Variants in NR3C2 observed in about 807,000 individuals in gnomAD.
NR3C2 encodes the protein mineralocorticoid receptor.
NR3C2 carries 15 observed loss-of-function variants against 86.4 expected under a neutral mutation model. The observed-to-expected ratio is 0.17, with a 90% confidence interval of 0.12 to 0.27. The LOEUF (loss-of-function observed/expected upper bound fraction) is 0.27. Among genes scored for constraint, NR3C2 ranks in the 10% least tolerant of loss-of-function variants. The pLI is 1.00. For synonymous variants in NR3C2, 458 were observed against 450.5 expected (o/e 1.02, Z -0.21); for missense variants, 960 against 1,195.6 (o/e 0.80, Z 2.91).
intron 4 of NR3C2, among the ~76,000 whole-genome samples, chr4:148,156,548 GA>G (rs1734396846): frequency 1.3e-5 from 2 of 152,098 alleles, no homozygotes; most frequent in South Asian, 4.1e-4. Context: ...AAAGACACAA[GA>G]AAAAATGCTC....
intron 8 of NR3C2, among the ~76,000 whole-genome samples, chr4:148,082,602 C>T (rs1730618950): frequency 6.6e-6 from 1 of 151,638 alleles, no homozygotes; most frequent in Non-Finnish European, 1.5e-5. Context: ...CCTATGCCAC[C>T]AGGGCCCTGG....
chr4:148,089,876 C>T (rs1730982874), intron 8 of NR3C2, among the ~76,000 whole-genome samples: 1 of 152,208 alleles, frequency 6.6e-6, no homozygotes, highest in South Asian at 2.1e-4. Flanking sequence ...ACCTCGATGC[C>T]CTGGAGTCCC....
chr4:148,379,733 A>G (rs1207154304), intron 2 of NR3C2, among the ~76,000 whole-genome samples: 1 of 152,212 alleles, frequency 6.6e-6, no homozygotes, highest in African/African-American at 2.4e-5. Flanking sequence ...AGATGCAGTA[A>G]AAGGTTCAAA....
chr4:148,160,970 G>A (rs1734630600), intron 4 of NR3C2, among the ~76,000 whole-genome samples: 1 of 152,130 alleles, frequency 6.6e-6, no homozygotes, highest in Admixed American at 6.6e-5. Context: ...TAAGTAATCT[G>A]GCCATGAAAC....
intron 7 of NR3C2, among the ~76,000 whole-genome samples, chr4:148,118,877 A>G (rs1218858239): frequency 2.6e-5 from 4 of 152,100 alleles, no homozygotes; most frequent in African/African-American, 4.8e-5. Context: ...GCTCCTGTCT[A>G]TCATACTACC....
At chr4:148,110,912 C>G (rs1732019679) in intron 8 of NR3C2, among the ~76,000 whole-genome samples, 1 of 152,138 alleles carries the variant, frequency 6.6e-6, no homozygotes, top group African/African-American at 2.4e-5. Flanking sequence ...TAGAGAAAAG[C>G]TCCATGACAC....
chr4:148,313,518 T>C (rs1743015303), intron 2 of NR3C2, among the ~76,000 whole-genome samples: 1 of 152,202 alleles, frequency 6.6e-6, no homozygotes, highest in Admixed American at 6.5e-5. Context: ...AAAATCTTTT[T>C]AAATCTGAGG....
At chr4:148,147,927 C>T (rs1733941901) in intron 6 of NR3C2, among the ~76,000 whole-genome samples, 1 of 152,212 alleles carries the variant, frequency 6.6e-6, no homozygotes. Flanking sequence ...GCAGTCGCAT[C>T]TCCTTTCTTA....
intron 3 of NR3C2, among the ~76,000 whole-genome samples, chr4:148,249,147 A>G (rs1481901889): frequency 2.6e-5 from 4 of 152,220 alleles, no homozygotes; most frequent in Non-Finnish European, 5.9e-5. Flanking sequence ...AATGTTAGTC[A>G]GCCTTTCACT....
chr4:148,162,639 G>C (rs1264413265), intron 4 of NR3C2, among the ~76,000 whole-genome samples: 1 of 152,196 alleles, frequency 6.6e-6, no homozygotes, highest in African/African-American at 2.4e-5. Context: ...GGCTGGTTTT[G>C]AATGAAAACA....
Position 148,435,095 on chromosome 4 carries a change from C to A in NR3C2, c.1757+9G>T, listed in dbSNP as rs778864489. 4 of 1,613,986 alleles carry A rather than the reference C, an allele frequency of 2.5e-6. No homozygotes were observed. The South Asian group carries it at 3.3e-5, about 13-fold the overall frequency. On this transcript the variant is annotated intron_variant, in intron 2 of 8. Transcript: ENST00000358102. ...ATGACTTCCAAAAAAATGGAGAAAACCAACTTACCTTGATACATTTTCTGG... is the reference window on the plus strand; with the variant it reads ...ATGACTTCCAAAAAAATGGAGAAAAACAACTTACCTTGATACATTTTCTGG...
At chr4:148,240,942 G>T (rs564279197) in intron 3 of NR3C2, among the ~76,000 whole-genome samples, 2 of 152,226 alleles carry the variant, frequency 1.3e-5, no homozygotes, top group East Asian at 3.9e-4. Flanking sequence ...TTAGGATGAG[G>T]TGCCATACTT....
In NR3C2 at chr4:148,305,112, A is replaced by C. The variant is rs189544368; in HGVS notation, c.1758-44995T>G. On this transcript the variant is annotated intron_variant, in intron 2 of 8. Transcript: ENST00000358102. ...ACTTAATCATTTGCAAAATAATAGAAAACAAATGTAAAGCTTTTTGGTTTT... is the reference window on the plus strand; with the variant it reads ...ACTTAATCATTTGCAAAATAATAGACAACAAATGTAAAGCTTTTTGGTTTT... 9.4e-3 allele frequency among the ~76,000 whole-genome samples: 1,437 copies of C among 152,282 alleles called. 72 individuals are homozygous for C. Among genetic ancestry groups the C allele is most frequent in the Admixed American group, 0.087 (1,336 of 15,294 alleles).
chr4:148,376,158 A>AC (rs1746668740), intron 2 of NR3C2, among the ~76,000 whole-genome samples: 1 of 151,622 alleles, frequency 6.6e-6, no homozygotes, highest in Non-Finnish European at 1.5e-5. Flanking sequence ...AAAAAAAAAA[A>AC]AAAACCCACG....
intron 2 of NR3C2, among the ~76,000 whole-genome samples, chr4:148,300,327 CCT>C (rs1215010100): frequency 1.3e-5 from 2 of 152,188 alleles, no homozygotes; most frequent in South Asian, 4.1e-4. Flanking sequence ...CCTGAATTTT[CCT>C]CTCTCTGAGC....
At position 148,228,910 on chromosome 4, in the gene NR3C2, C is replaced by T. The variant is rs550366436; in HGVS notation, c.1897+31068G>A. The stretch of plus-strand genomic sequence containing the variant: ...CGGCAGGAAAGAAAGGCAAACTATC[C>T]GCAGGAAAGAAAGGCAAACTCCTGT... On this transcript the variant is annotated intron_variant, in intron 3 of 8. Transcript: ENST00000358102. Among the ~76,000 whole-genome samples the T allele has an allele frequency of 3.1e-4, 47 of 152,114 alleles. No homozygotes were observed. The South Asian group carries it at 5.2e-3, about 17-fold the overall frequency.
chr4:148,280,446 A>G (rs1741175492), intron 2 of NR3C2, among the ~76,000 whole-genome samples: 1 of 152,220 alleles, frequency 6.6e-6, no homozygotes, highest in African/African-American at 2.4e-5. Context: ...AGAAATAACA[A>G]GAATGGGAGT....
At chr4:148,131,699 T>A (rs11099678) in intron 6 of NR3C2, among the ~76,000 whole-genome samples, 100,579 of 152,030 alleles carry the variant, frequency 0.66, 33,407 homozygotes, top group East Asian at 0.79. Flanking sequence ...GCCTTACTGG[T>A]CTAATGTGTT....
intron 4 of NR3C2, among the ~76,000 whole-genome samples, chr4:148,193,794 T>A (rs951942206): frequency 6.6e-6 from 1 of 152,212 alleles, no homozygotes; most frequent in Non-Finnish European, 1.5e-5. Flanking sequence ...CTGTGGCTAT[T>A]TTTCTAAGTT....
Sources: gnomAD v4.1 joint callset for allele counts (sites outside exome capture counted in the v4.1 genomes callset) on GRCh38, gnomAD v4.1.1 for gene constraint, MANE v1.5 for transcripts, NCBI Gene and HGNC (gene_info 2026-07-23, HGNC 2026-07-21) for gene names.